UBE2W: variants seen among roughly 807,000 people sequenced by gnomAD.
UBE2W encodes the protein ubiquitin-conjugating enzyme E2 W.
UBE2W carries 18 observed loss-of-function variants against 27.2 expected under a neutral mutation model. The observed-to-expected ratio is 0.66, with a 90% CI of 0.46 to 0.98. The LOEUF (loss-of-function observed/expected upper bound fraction) is 0.98, where lower values mean the gene tolerates loss of function less well. Ranked by LOEUF, UBE2W falls within the 50% of genes least tolerant of loss-of-function variation. UBE2W has a pLI of 0.00. For synonymous variants in UBE2W, 53 were observed against 57.2 expected (o/e 0.93, Z 0.33); for missense variants, 90 against 180.2 (o/e 0.50, Z 2.87).
In UBE2W at chr8:73,865,797, A is replaced by G. The variant is rs554812776; in HGVS notation, c.15+13011T>C. On this transcript the variant is annotated intron_variant, in intron 1 of 5. Coordinates refer to ENST00000602593, the MANE Select transcript of UBE2W (RefSeq NM_018299.6). ...GTACAAAAGACTATTCTAATTTTAAAATTTTTTAAATTTTATCTTATGGAC... is the reference window on the plus strand; with the variant it reads ...GTACAAAAGACTATTCTAATTTTAAGATTTTTTAAATTTTATCTTATGGAC... 3.3e-5 allele frequency among the ~76,000 whole-genome samples: 5 copies of G among 152,270 alleles called. No individual in the cohort carries two copies. The South Asian group carries it at 1.0e-3, about 32-fold the overall frequency.
chr8:73,834,826 T>C (rs1267547865), intron 1 of UBE2W, among the ~76,000 whole-genome samples: 1 of 152,094 alleles, frequency 6.6e-6, no homozygotes, highest in Middle Eastern at 3.2e-3. Flanking sequence ...CAAGAATAGC[T>C]TGAACTCGGG....
chr8:73,854,857 T>C (rs1346998378), intron 1 of UBE2W, among the ~76,000 whole-genome samples: 1 of 152,218 alleles, frequency 6.6e-6, no homozygotes, highest in Non-Finnish European at 1.5e-5. Flanking sequence ...TCAATTAACA[T>C]GTTTTGTATA....
chr8:73,834,127 T>G (rs1304136641), intron 1 of UBE2W: 1 of 152,210 alleles, frequency 6.6e-6, no homozygotes, highest in East Asian at 1.9e-4. Flanking sequence ...TGGTTTCTGT[T>G]TTTTCTGGAC....
intron 1 of UBE2W, among the ~76,000 whole-genome samples, chr8:73,867,302 T>C (rs1033650716): frequency 2.0e-5 from 3 of 152,058 alleles, no homozygotes; most frequent in African/African-American, 7.2e-5. Flanking sequence ...TTTGGGAGAC[T>C]GAGGCGGACG....
rs1318510173 is a variant in UBE2W, at chr8:73,786,455, G to A, written c.*7647C>T. On this transcript the variant is annotated 3_prime_UTR_variant, in exon 6 of 6. Coordinates refer to ENST00000602593, the MANE Select transcript of UBE2W (RefSeq NM_018299.6). ...AGGTACTGTATACTAGGTACTGTGT[G>A]CTACGTGCTGGGGACACAAACACAA... 5 of 984,632 alleles carry A rather than the reference G, an allele frequency of 5.1e-6. No homozygotes were observed. Among genetic ancestry groups the A allele is most frequent in the African/African-American group, 1.7e-5 (1 of 57,230 alleles). The allele number at this position is 984,632 out of a possible 1,614,324, so 61.0% of individuals were successfully genotyped here.
chr8:73,855,492 C>CA (rs1259027027), intron 1 of UBE2W, among the ~76,000 whole-genome samples: 1 of 149,228 alleles, frequency 6.7e-6, no homozygotes, highest in Non-Finnish European at 1.5e-5. Flanking sequence ...ACCTCCGCCT[C>CA]ACGGGTTCAA....
rs565936172 is a variant in UBE2W at position 73,861,719 on chromosome 8, T to C, written c.15+17089A>G. On this transcript the variant is annotated intron_variant, in intron 1 of 5. Transcript: ENST00000602593. ...GGACTCTACCAGCATTAAAGAAGAA[T>C]CACTGAGCTCATAACTGAGCCTATG... Among the ~76,000 whole-genome samples, 6 of 152,324 alleles carry C rather than the reference T, an allele frequency of 3.9e-5. No homozygotes were observed. In the East Asian group the frequency reaches 1.2e-3, roughly 29 times the overall value.
chr8:73,824,614 G>C (rs948458048), intron 3 of UBE2W, among the ~76,000 whole-genome samples: 3 of 152,172 alleles, frequency 2.0e-5, no homozygotes, highest in Admixed American at 2.0e-4. Context: ...TCCATGGATG[G>C]GGTTGGGGAT....
chr8:73,834,018 A>G (rs568713030), intron 1 of UBE2W: 3 of 152,366 alleles, frequency 2.0e-5, no homozygotes, highest in African/African-American at 7.2e-5. Flanking sequence ...TAGCTGGGAC[A>G]ACAGGCACCT....
intron 5 of UBE2W, among the ~76,000 whole-genome samples, chr8:73,795,257 AGGTGTTCG>A (rs1808365896): frequency 6.6e-6 from 1 of 152,104 alleles, no homozygotes; most frequent in South Asian, 2.1e-4. Flanking sequence ...CCTAATGGGG[AGGTGTTCG>A]GGTCATGGGG....
At chr8:73,803,017 G>C (rs780616074) in intron 5 of UBE2W, among the ~76,000 whole-genome samples, 1 of 150,376 alleles carries the variant, frequency 6.6e-6, no homozygotes, top group Middle Eastern at 3.5e-3. Context: ...GCAAGACTCC[G>C]TCTCAAAATA....
intron 1 of UBE2W, among the ~76,000 whole-genome samples, chr8:73,874,672 T>C (rs1812144399): frequency 2.0e-5 from 3 of 152,270 alleles, no homozygotes; most frequent in Non-Finnish European, 4.4e-5. Context: ...ACTTTTCATG[T>C]AATATTTAAA....
At chr8:73,781,227 G>A (rs1033830268), downstream of UBE2W, among the ~76,000 whole-genome samples, 4 of 144,504 alleles carry the variant, frequency 2.8e-5, no homozygotes, top group Non-Finnish European at 6.0e-5. Context: ...CCGAGATCGC[G>A]CCATTGCACT....
intron 5 of UBE2W, among the ~76,000 whole-genome samples, 179 bp downstream of exon 5, chr8:73,805,472 C>CAAAAAAAAAACAAAAAAAAAAAAAAA: frequency 2.3e-5 from 1 of 43,694 alleles, no homozygotes; most frequent in Non-Finnish European, 5.0e-5. Context: ...AAAAAAAAAA[C>CAAAAAAAAAACAAAAAAAAAAAAAAA]AAAAAAAACT....
chr8:73,852,256 T>C (rs1811113324), intron 1 of UBE2W, among the ~76,000 whole-genome samples: 1 of 152,062 alleles, frequency 6.6e-6, no homozygotes, highest in South Asian at 2.1e-4. Context: ...CTCTTTAGGG[T>C]GGGTATGCTG....
At chr8:73,807,993 ATC>A (rs1432828900) in intron 4 of UBE2W, among the ~76,000 whole-genome samples, 1 of 152,246 alleles carries the variant, frequency 6.6e-6, no homozygotes, top group Admixed American at 6.5e-5. Context: ...ATCAGAAATT[ATC>A]TTTAATCCAC....
chr8:73,863,463 G>T (rs1489704177), intron 1 of UBE2W, among the ~76,000 whole-genome samples: 1 of 150,064 alleles, frequency 6.7e-6, no homozygotes, highest in African/African-American at 2.5e-5. Flanking sequence ...AGCATTGGGA[G>T]ATATACCTAA....
At chr8:73,860,025 A>G (rs1329232342) in intron 1 of UBE2W, among the ~76,000 whole-genome samples, 1 of 152,196 alleles carries the variant, frequency 6.6e-6, no homozygotes. Context: ...GTTTGGAAAG[A>G]AAGCAGTCAC....
intron 1 of UBE2W, among the ~76,000 whole-genome samples, chr8:73,833,045 C>T (rs1214613335): frequency 6.6e-6 from 1 of 151,866 alleles, no homozygotes; most frequent in Non-Finnish European, 1.5e-5. Context: ...ATTAGCCAGG[C>T]GTGGTGGCGC....
Sources: gnomAD v4.1 joint callset for allele counts (sites outside exome capture counted in the v4.1 genomes callset) on GRCh38, gnomAD v4.1.1 for gene constraint, MANE v1.5 for transcripts, NCBI Gene and HGNC (gene_info 2026-07-23, HGNC 2026-07-21) for gene names.